Variants in SIK3 observed in about 807,000 individuals in gnomAD.
SIK3 encodes serine/threonine-protein kinase SIK3.
In SIK3, 28 loss-of-function variants were observed where a neutral mutation model predicts 144.2. The ratio of observed to expected loss-of-function variants is 0.19; its 90% CI spans 0.14 to 0.27. The LOEUF is 0.27. SIK3 is among the 10% of genes least tolerant of loss of function. The pLI, the probability that SIK3 is intolerant of heterozygous loss-of-function variation, is 1.00. For missense variants in SIK3, 1,319 were observed against 1,776.0 expected, an observed-to-expected ratio of 0.74 and a Z score of 4.62; for synonymous variants, 686 against 676.3, an observed-to-expected ratio of 1.01 and a Z score of -0.22.
chr11:116,957,981 A>G (rs1330516824), intron 1 of SIK3, among the ~76,000 whole-genome samples: 1 of 152,204 alleles, frequency 6.6e-6, no homozygotes, highest in African/African-American at 2.4e-5. Flanking sequence ...GGACTTTTAA[A>G]AATTTACTAA....
At chr11:117,071,015 C>A (rs941062349) in intron 1 of SIK3, among the ~76,000 whole-genome samples, 2 of 152,026 alleles carry the variant, frequency 1.3e-5, no homozygotes, top group Middle Eastern at 3.2e-3. Context: ...AAGCGTGAGC[C>A]ACTGCGGCCA....
intron 1 of SIK3, among the ~76,000 whole-genome samples, chr11:117,028,825 G>A (rs1381302070): frequency 6.6e-6 from 1 of 152,146 alleles, no homozygotes; most frequent in Non-Finnish European, 1.5e-5. Flanking sequence ...TATTTTACAG[G>A]AGACAGAAGA....
At chr11:117,015,739 T>C (rs544951724) in intron 1 of SIK3, among the ~76,000 whole-genome samples, 1 of 152,174 alleles carries the variant, frequency 6.6e-6, no homozygotes, top group South Asian at 2.1e-4. Flanking sequence ...CCAGCTAATT[T>C]TGTACTTTTA....
intron 1 of SIK3, among the ~76,000 whole-genome samples, chr11:116,983,866 ACC>A (rs1950234364): frequency 6.6e-6 from 1 of 151,686 alleles, no homozygotes; most frequent in Non-Finnish European, 1.5e-5. Context: ...GAACTGCTTG[ACC>A]AGCCTGGGCA....
At chr11:117,054,362 CTG>C (rs2135926794) in intron 1 of SIK3, among the ~76,000 whole-genome samples, 1 of 152,288 alleles carries the variant, frequency 6.6e-6, no homozygotes, top group South Asian at 2.1e-4. Flanking sequence ...TCTGCATATA[CTG>C]TAGGACCCAT....
At chr11:117,087,705 G>C (rs1251694849) in intron 1 of SIK3, among the ~76,000 whole-genome samples, 1 of 152,176 alleles carries the variant, frequency 6.6e-6, no homozygotes, top group African/African-American at 2.4e-5. Context: ...GTTAATTCTA[G>C]TGCAGCCTTT....
In SIK3 at chr11:117,067,123, T is replaced by C. The variant is rs909486650; in HGVS notation, c.273+31020A>G. ...CTTTGGAAGACAATTTGGCAGTTTC[T>C]TTAAAAGTTAAACATAAACCTACCA... On this transcript the variant is annotated intron_variant, in intron 1 of 24. Coordinates refer to ENST00000445177, the MANE Select transcript of SIK3 (RefSeq NM_001366686.3). Among the ~76,000 whole-genome samples the C allele has an allele frequency of 1.7e-4, 26 of 152,324 alleles. No individual in the cohort carries two copies. In the South Asian group the frequency reaches 2.7e-3, roughly 16 times the overall value.
intron 3 of SIK3, among the ~76,000 whole-genome samples, chr11:116,929,429 A>T (rs1947471370): frequency 6.6e-6 from 1 of 152,216 alleles, no homozygotes; most frequent in Non-Finnish European, 1.5e-5. Context: ...TGCTTCTTAA[A>T]TGCTGCAGAA....
chr11:116,932,014 A>G (rs1371337738), intron 3 of SIK3, among the ~76,000 whole-genome samples: 1 of 152,090 alleles, frequency 6.6e-6, no homozygotes, highest in African/African-American at 2.4e-5. Context: ...TTGCTCCTCC[A>G]TTGACCAGGC....
At chr11:116,938,602 A>ATGGAAGGG (rs1948102954) in intron 3 of SIK3, among the ~76,000 whole-genome samples, 2 of 12,584 alleles carry the variant, frequency 1.6e-4, no homozygotes, top group African/African-American at 1.1e-3. Context: ...AGAGGGGAGG[A>ATGGAAGGG]GAGGAGAGGA....
chr11:116,877,348 C>T (rs1024153082), intron 6 of SIK3, among the ~76,000 whole-genome samples: 7 of 152,104 alleles, frequency 4.6e-5, no homozygotes, highest in African/African-American at 1.7e-4. Context: ...GTATATGGCC[C>T]TATTTAACAC....
intron 6 of SIK3, among the ~76,000 whole-genome samples, chr11:116,879,166 T>C (rs1565401240): frequency 1.3e-5 from 2 of 152,186 alleles, no homozygotes; most frequent in Non-Finnish European, 2.9e-5. Flanking sequence ...TCAAATGAGA[T>C]TGTAATTGTG....
chr11:117,084,145 C>T (rs558000590), intron 1 of SIK3, among the ~76,000 whole-genome samples: 20 of 152,336 alleles, frequency 1.3e-4, no homozygotes, highest in Non-Finnish European at 2.4e-4. Context: ...ATAATCAATG[C>T]TTCTCCTTGT....
At chr11:117,084,232 TCTG>T (rs1311591785) in intron 1 of SIK3, among the ~76,000 whole-genome samples, 1 of 152,156 alleles carries the variant, frequency 6.6e-6, no homozygotes, top group Non-Finnish European at 1.5e-5. Context: ...CTTATAAGCT[TCTG>T]CTGCTCCCAT....
chr11:116,979,238 C>T (rs1950057449), intron 1 of SIK3, among the ~76,000 whole-genome samples: 1 of 152,114 alleles, frequency 6.6e-6, no homozygotes, highest in South Asian at 2.1e-4. Context: ...TTTTAATTTG[C>T]ATTTTCTTGA....
At chr11:117,076,493 C>G (rs1380461698) in intron 1 of SIK3, among the ~76,000 whole-genome samples, 1 of 152,090 alleles carries the variant, frequency 6.6e-6, no homozygotes, top group South Asian at 2.1e-4. Context: ...GCAACATTCT[C>G]CCAAAATAAA....
intron 3 of SIK3, among the ~76,000 whole-genome samples, chr11:116,939,731 G>A (rs1948180401): frequency 1.3e-5 from 2 of 152,134 alleles, no homozygotes; most frequent in African/African-American, 4.8e-5. Flanking sequence ...ACAGGAACAT[G>A]TTGAATGACA....
chr11:116,922,907 CTTTTTTTTTTT>C (rs202058609), intron 4 of SIK3, among the ~76,000 whole-genome samples: 49 of 102,172 alleles, frequency 4.8e-4, no homozygotes, highest in African/African-American at 1.4e-3. Context: ...TTTCTTTTCT[CTTTTTTTTTTT>C]TTTTTTTTTT....
chr11:116,876,959 T>A lies in SIK3; in HGVS notation c.949A>T (p.Met317Leu). ...TTGGGATCGGCGTCCCCTAGCTTCATCCACTTGTGCTTGCAGATCTGCTCC... is the reference window on the plus strand; with the variant it reads ...TTGGGATCGGCGTCCCCTAGCTTCAACCACTTGTGCTTGCAGATCTGCTCC... ...SMEQICKHKW[M>L]KLGDADPNFD... Residue 317 changes from methionine to leucine, a missense_variant, in exon 7 of 25, where the codon ATG becomes TTG. Physicochemically the swap from Met to Leu is conservative, Grantham distance 15. This residue lies in a region of SIK3 where 34 missense variants were observed against 56.1 expected (regional missense o/e 0.61). Coordinates refer to ENST00000445177, the MANE Select transcript of SIK3 (RefSeq NM_001366686.3). The A allele has an allele frequency of 6.2e-7, 1 of 1,614,148 alleles. No homozygotes were observed. The highest frequency in any genetic ancestry group is 8.5e-7 in the Non-Finnish European group (1 of 1,180,008).
Sources: allele counts gnomAD v4.1 joint callset (sites outside exome capture counted in the v4.1 genomes callset), GRCh38; gene constraint gnomAD v4.1.1; regional missense constraint gnomAD v4.1.1; transcripts MANE v1.5; gene names NCBI Gene and HGNC (gene_info 2026-07-23, HGNC 2026-07-21).